SCN9A: variants seen among roughly 807,000 people sequenced by gnomAD.
The protein encoded by SCN9A is sodium channel protein type 9 subunit alpha.
Under a neutral mutation model 187.0 loss-of-function variants are expected in SCN9A, and 131 were observed. That is an observed-to-expected ratio of 0.70 (90% CI 0.61 to 0.81). The LOEUF (loss-of-function observed/expected upper bound fraction) is 0.81, where lower values mean the gene tolerates loss of function less well. Among genes scored for constraint, SCN9A ranks in the 30% least tolerant of loss-of-function variants. The pLI is 0.00. For synonymous variants in SCN9A, 809 were observed against 808.6 expected (o/e 1.00, Z -0.01); for missense variants, 2,252 against 2,396.6 (o/e 0.94, Z 1.26).
intron 17 of SCN9A, among the ~76,000 whole-genome samples, chr2:166,258,173 T>C (rs778150375): frequency 5.3e-5 from 8 of 151,508 alleles, no homozygotes; most frequent in Non-Finnish European, 7.4e-5. Context: ...ATCCTAGAAC[T>C]ATTAAAGTTC....
chr2:166,324,214 AC>A (rs1378335536), intron 1 of SCN9A, among the ~76,000 whole-genome samples: 12 of 151,658 alleles, frequency 7.9e-5, no homozygotes, highest in African/African-American at 2.9e-4. Flanking sequence ...AATTACTTGA[AC>A]CCAGCAGGCA....
intron 23 of SCN9A, among the ~76,000 whole-genome samples, 191 bp from the exon 24 acceptor site, chr2:166,226,895 TATTTA>T (rs1191215345): frequency 6.6e-6 from 1 of 152,122 alleles, no homozygotes; most frequent in Non-Finnish European, 1.5e-5. Context: ...ACATACTTAT[TATTTA>T]ATTTATTACA....
At chr2:166,220,501 C>T (rs1694536641) in intron 24 of SCN9A, among the ~76,000 whole-genome samples, 2 of 151,806 alleles carry the variant, frequency 1.3e-5, no homozygotes, top group African/African-American at 2.4e-5. Flanking sequence ...TGATACCTTA[C>T]AGCATGTTAT....
intron 17 of SCN9A, among the ~76,000 whole-genome samples, chr2:166,254,473 G>GAT (rs1028795775): frequency 2.6e-5 from 4 of 151,268 alleles, no homozygotes; most frequent in Non-Finnish European, 5.9e-5. Context: ...TAGAAAGGCT[G>GAT]ATATATATAA....
At chr2:166,292,016 G>C (rs1385927461) in intron 9 of SCN9A, among the ~76,000 whole-genome samples, 1 of 152,118 alleles carries the variant, frequency 6.6e-6, no homozygotes, top group African/African-American at 2.4e-5. Context: ...CATGGGCAAA[G>C]ACTTCATGAC....
chr2:166,242,482 T>C lies in SCN9A; in HGVS notation c.3627+20A>G. On this transcript the variant is annotated intron_variant, in intron 19 of 26. Coordinates refer to ENST00000642356, the MANE Select transcript of SCN9A (RefSeq NM_001365536.1). ...ATATTGACTTAATCAATATATTGAC[T>C]TAGGTGTCAGATCATTTACCAGGGC... is the stretch of plus-strand genomic sequence containing the variant. 6.5e-7 allele frequency: 1 copy of C among 1,546,514 alleles called. No homozygotes were observed. The highest frequency in any genetic ancestry group is 8.8e-7 in the Non-Finnish European group (1 of 1,141,456).
intron 1 of SCN9A, among the ~76,000 whole-genome samples, chr2:166,316,611 G>A (rs750951154): frequency 2.0e-5 from 3 of 152,160 alleles, no homozygotes; most frequent in Admixed American, 6.5e-5. Context: ...AGAGAATGGC[G>A]TGAACCCAGG....
chr2:166,219,270 A>C (rs1057166343), intron 24 of SCN9A, among the ~76,000 whole-genome samples: 1 of 152,208 alleles, frequency 6.6e-6, no homozygotes, highest in Admixed American at 6.5e-5. Context: ...ATGCACACAT[A>C]TGTTTATTGG....
intron 1 of SCN9A, among the ~76,000 whole-genome samples, chr2:166,354,023 C>A (rs929428114): frequency 6.6e-6 from 1 of 152,126 alleles, no homozygotes; most frequent in Non-Finnish European, 1.5e-5. Flanking sequence ...AGATGTCACA[C>A]TAATTTAAGA....
intron 17 of SCN9A, among the ~76,000 whole-genome samples, chr2:166,258,316 T>C (rs990884987): frequency 6.6e-6 from 1 of 151,546 alleles, no homozygotes; most frequent in Non-Finnish European, 1.5e-5. Flanking sequence ...GTGTTATTGA[T>C]AGATAGGATT....
chr2:166,332,813 T>C (rs889251746), intron 1 of SCN9A, among the ~76,000 whole-genome samples: 8 of 151,968 alleles, frequency 5.3e-5, no homozygotes, highest in African/African-American at 1.9e-4. Context: ...ATCACAGATG[T>C]AAATATAACA....
At chr2:166,217,413 GGA>G (rs904380755) in intron 24 of SCN9A, among the ~76,000 whole-genome samples, 1 of 151,944 alleles carries the variant, frequency 6.6e-6, no homozygotes, top group South Asian at 2.1e-4. Context: ...ATAACAGAGT[GGA>G]GAGAGAGATC....
At chr2:166,261,006 G>A (rs1002205507) in intron 17 of SCN9A, among the ~76,000 whole-genome samples, 2 of 151,422 alleles carry the variant, frequency 1.3e-5, no homozygotes, top group African/African-American at 4.8e-5. Context: ...AATTCAATAA[G>A]TAAAAATTAA....
At position 166,199,096 on chromosome 2, in the gene SCN9A, C is replaced by T. The variant is rs199705100; in HGVS notation, c.5543G>A (p.Arg1848His). 9 of 1,614,138 alleles carry T rather than the reference C, an allele frequency of 5.6e-6. No homozygotes were observed. The East Asian group carries it at 6.7e-5, about 12-fold the overall frequency. The part of the protein sequence containing the change: ...CLDILFAFTK[R>H]VLGESGEMDS... ...CATCTCCCCACTCTCACCCAAAACA[C>T]GCTTTGTAAAAGCAAATAAGATGTC... Residue 1848 changes from arginine (R) to histidine (H), a missense_variant, in exon 27 of 27, where the codon CGT becomes CAT. Coordinates refer to ENST00000642356, the MANE Select transcript of SCN9A (RefSeq NM_001365536.1).
chr2:166,320,612 A>G (rs1305293354), intron 1 of SCN9A, among the ~76,000 whole-genome samples: 1 of 152,180 alleles, frequency 6.6e-6, no homozygotes, highest in Non-Finnish European at 1.5e-5. Flanking sequence ...TGGCTTGCTG[A>G]ATGCATGGTT....
rs1695183370 is a variant in SCN9A at position 166,233,440 on chromosome 2, G to A, written c.3824C>T (p.Ala1275Val). 4 of 1,570,994 alleles carry A rather than the reference G, an allele frequency of 2.5e-6. No homozygotes were observed. Among genetic ancestry groups the A allele is most frequent in the African/African-American group, 2.8e-5 (2 of 72,002 alleles). Residue 1275 changes from alanine (A) to valine (V), a missense_variant, in exon 21 of 27, where the codon GCA (alanine) becomes GTA (valine). Coordinates refer to ENST00000642356, the MANE Select transcript of SCN9A (RefSeq NM_001365536.1). ...IVDVSLVTLV[A>V]NTLGYSDLGP... Reference sequence around the variant, plus strand: ...AAGATCTGAGTAGCCAAGAGTGTTTGCCACTAAAGTAACCAAAGAAACCTA... The same window carrying A: ...AAGATCTGAGTAGCCAAGAGTGTTTACCACTAAAGTAACCAAAGAAACCTA...
chr2:166,303,914 A>G (rs1698664200), intron 6 of SCN9A: 2 of 1,061,196 alleles, frequency 1.9e-6, no homozygotes, highest in Non-Finnish European at 2.8e-6. Context: ...GACTTTTGAT[A>G]ATGATTGTGG....
At chr2:166,281,646 G>GAATC (rs747777816) in intron 13 of SCN9A, 33 bp downstream of exon 13, 1 of 1,580,300 alleles carries the variant, frequency 6.3e-7, no homozygotes, top group East Asian at 2.2e-5. Context: ...TTTTATTTAA[G>GAATC]AATCTGTACA....
At chr2:166,225,280 C>T (rs1006889417) in intron 24 of SCN9A, among the ~76,000 whole-genome samples, 1 of 152,114 alleles carries the variant, frequency 6.6e-6, no homozygotes. Context: ...GTCTTCTTTC[C>T]CACCTTCCAA....
Sources: gnomAD v4.1 joint callset for allele counts (sites outside exome capture counted in the v4.1 genomes callset) on GRCh38, gnomAD v4.1.1 for gene constraint, MANE v1.5 for transcripts, NCBI Gene and HGNC (gene_info 2026-07-23, HGNC 2026-07-21) for gene names.